The following GMDS variants were observed in gnomAD, a reference collection of about 807,000 sequenced individuals.
GMDS encodes GDP-mannose 4,6-dehydratase.
In GMDS, 20 loss-of-function variants were observed where a neutral mutation model predicts 49.9. The ratio of observed to expected loss-of-function variants is 0.40; its 90% CI spans 0.28 to 0.58. GMDS has a LOEUF of 0.58. GMDS is among the 20% of genes least tolerant of loss of function. The pLI is 0.42. For missense variants in GMDS, 362 were observed against 481.4 expected (o/e 0.75, Z 2.32); for synonymous variants, 177 against 178.6 (o/e 0.99, Z 0.07).
At position 1,836,787 on chromosome 6, in the gene GMDS, G is replaced by T. The variant is rs1306994091; in HGVS notation, c.771+93316C>A. 3.9e-5 allele frequency among the ~76,000 whole-genome samples: 6 copies of T among 152,132 alleles called. No homozygotes were observed. The highest frequency in any genetic ancestry group is 8.8e-5 in the Non-Finnish European group (6 of 68,028). On this transcript the variant is annotated intron_variant, in intron 7 of 10. Coordinates refer to ENST00000380815, the MANE Select transcript of GMDS (RefSeq NM_001500.4). The surrounding 1 kb of genome is among the most constrained non-coding windows in gnomAD (Gnocchi z 4.2). Reference sequence around the variant, plus strand: ...AGCCAAGCTCTCATTCAGGATAGAGGACACCTGAATTACATAAATCTCTAT... The same window carrying T: ...AGCCAAGCTCTCATTCAGGATAGAGTACACCTGAATTACATAAATCTCTAT...
At chr6:1,691,584 G>A (rs895575484) in intron 9 of GMDS, among the ~76,000 whole-genome samples, 15 of 152,104 alleles carry the variant, frequency 9.9e-5, no homozygotes, top group African/African-American at 2.4e-4. Context: ...TTCAAAATAC[G>A]TCTTAAGTGT....
At chr6:2,024,794 A>T (rs1768483473) in intron 4 of GMDS, among the ~76,000 whole-genome samples, 1 of 152,092 alleles carries the variant, frequency 6.6e-6, no homozygotes, top group African/African-American at 2.4e-5. Flanking sequence ...GTGCATTATT[A>T]CCTATAAAAG....
intron 1 of GMDS, among the ~76,000 whole-genome samples, chr6:2,242,618 T>C (rs1313275117): frequency 1.3e-5 from 2 of 152,166 alleles, no homozygotes; most frequent in Non-Finnish European, 2.9e-5. Context: ...CTTCTTAGAG[T>C]AAGACTATTT....
intron 4 of GMDS, among the ~76,000 whole-genome samples, chr6:2,114,948 AAAACAAAC>A (rs36090625): frequency 1.8e-4 from 27 of 150,428 alleles, no homozygotes; most frequent in African/African-American, 5.4e-4. Context: ...ATTAAATAGC[AAAACAAAC>A]AAACAAACAA....
intron 7 of GMDS, among the ~76,000 whole-genome samples, chr6:1,816,284 T>C (rs1422008711): frequency 6.6e-6 from 1 of 152,250 alleles, no homozygotes; most frequent in Non-Finnish European, 1.5e-5. Context: ...TTTAATTATC[T>C]CATCTTTGTA....
At chr6:1,711,089 A>T (rs756716124) in intron 9 of GMDS, among the ~76,000 whole-genome samples, 1 of 152,320 alleles carries the variant, frequency 6.6e-6, no homozygotes, top group South Asian at 2.1e-4. Context: ...AACTACATAC[A>T]TGATGTATTC....
intron 1 of GMDS, among the ~76,000 whole-genome samples, chr6:2,192,024 G>A (rs1779043275): frequency 6.6e-6 from 1 of 152,210 alleles, no homozygotes; most frequent in Non-Finnish European, 1.5e-5. Context: ...CTAGAGCAGG[G>A]CAGGGGATGG....
chr6:2,201,863 C>T lies in GMDS; in HGVS notation c.102+43458G>A, dbSNP rs570653395. ...GAAGAGAGAGCACCACATGGGCATC[C>T]GAGATGAAACCATCTAGGCAGTGAG... On this transcript the variant is annotated intron_variant, in intron 1 of 10. Coordinates refer to ENST00000380815, the MANE Select transcript of GMDS (RefSeq NM_001500.4). 9.9e-5 allele frequency among the ~76,000 whole-genome samples: 13 copies of T among 131,258 alleles called. No individual in the cohort carries two copies. The South Asian group carries it at 3.3e-3, about 33-fold the overall frequency. 86.1% of individuals were successfully genotyped at this position (131,258 alleles called of 152,430 possible).
rs1358126645 is a variant in GMDS at position 1,827,075 on chromosome 6, T to C, written c.772-84489A>G. Among the ~76,000 whole-genome samples the C allele has an allele frequency of 5.3e-5, 4 of 75,228 alleles. No homozygotes were observed. In the Admixed American group the frequency reaches 7.4e-4, roughly 14 times the overall value. 49.4% of individuals were successfully genotyped at this position (75,228 alleles called of 152,430 possible). A position where few individuals can be genotyped will look rare whatever the true frequency, so the allele number is the denominator to read the frequency against. ...AGCTACGCTGTCTCTTAAAAAAATA[T>C]ATATGTGTGTGTGTGTGTGTGTGTG... On this transcript the variant is annotated intron_variant, in intron 7 of 10. Transcript: ENST00000380815.
At position 1,784,390 on chromosome 6, in the gene GMDS, C is replaced by CAAAAA. The variant is rs780517217; in HGVS notation, c.772-41809_772-41805dup. Among the ~76,000 whole-genome samples, 116 of 40,436 alleles carry CAAAAA rather than the reference C, an allele frequency of 2.9e-3. 1 individual carries two copies. Among genetic ancestry groups the CAAAAA allele is most frequent in the African/African-American group, 9.2e-3 (101 of 10,978 alleles). 26.5% of individuals were successfully genotyped at this position (40,436 alleles called of 152,430 possible). On this transcript the variant is annotated intron_variant, in intron 7 of 10. Coordinates refer to ENST00000380815, the MANE Select transcript of GMDS (RefSeq NM_001500.4). ...CTGGGTGACAGAGCAAGACTCGTCT[C>CAAAAA]AAAAAAAAAAAAAAAAAAAAAAAAG... is the stretch of plus-strand genomic sequence containing the variant.
intron 8 of GMDS, among the ~76,000 whole-genome samples, chr6:1,732,528 C>T (rs543912419): frequency 2.6e-5 from 4 of 152,052 alleles, no homozygotes; most frequent in East Asian, 1.9e-4. Context: ...AAGAGGAGGC[C>T]GACAGATAAG....
chr6:1,716,627 G>A (rs1364747132), intron 9 of GMDS, among the ~76,000 whole-genome samples: 1 of 152,102 alleles, frequency 6.6e-6, no homozygotes, highest in South Asian at 2.1e-4. Context: ...AGGGTGTGGT[G>A]ATATTGGCTC....
At chr6:1,931,569 T>A (rs140973488) in intron 6 of GMDS, among the ~76,000 whole-genome samples, 4 of 152,208 alleles carry the variant, frequency 2.6e-5, no homozygotes, top group Non-Finnish European at 4.4e-5. Flanking sequence ...AAAAGTGCCT[T>A]TCGAAATGAA....
intron 7 of GMDS, among the ~76,000 whole-genome samples, chr6:1,767,672 TG>T (rs961396321): frequency 1.3e-5 from 2 of 152,224 alleles, no homozygotes; most frequent in African/African-American, 4.8e-5. Flanking sequence ...GCAAATTCTC[TG>T]GGGGTTGTTG....
intron 4 of GMDS, among the ~76,000 whole-genome samples, chr6:2,050,666 A>T (rs1479616680): frequency 6.6e-6 from 1 of 152,230 alleles, no homozygotes; most frequent in East Asian, 1.9e-4. Context: ...AGCACATCAA[A>T]AAGTTTATCC....
chr6:1,656,825 TC>T (rs1284607307), intron 9 of GMDS, among the ~76,000 whole-genome samples: 2 of 151,872 alleles, frequency 1.3e-5, no homozygotes, highest in African/African-American at 4.8e-5. Flanking sequence ...ACACGGTGCC[TC>T]CTTCTACCGT....
At chr6:1,659,183 A>G (rs1763985883) in intron 9 of GMDS, among the ~76,000 whole-genome samples, 1 of 147,910 alleles carries the variant, frequency 6.8e-6, no homozygotes, top group East Asian at 2.0e-4. Flanking sequence ...GGGACACTGG[A>G]TGCTGTGGGC....
intron 9 of GMDS, among the ~76,000 whole-genome samples, chr6:1,716,147 T>TA (rs1561752564): frequency 4.6e-5 from 7 of 152,332 alleles, no homozygotes; most frequent in East Asian, 3.9e-4. Flanking sequence ...GAAGAATATG[T>TA]AAAAAAAGAT....
chr6:2,023,620 A>G (rs968677375), intron 4 of GMDS, among the ~76,000 whole-genome samples: 4 of 152,240 alleles, frequency 2.6e-5, no homozygotes, highest in African/African-American at 9.6e-5. Context: ...TCAAAGAGGT[A>G]CAAGAAGGAA....
Sources: allele counts gnomAD v4.1 joint callset (sites outside exome capture counted in the v4.1 genomes callset), GRCh38; gene constraint gnomAD v4.1.1; non-coding constraint Gnocchi (gnomAD v3.1); transcripts MANE v1.5; gene names NCBI Gene and HGNC (gene_info 2026-07-23, HGNC 2026-07-21).